PCDH11X: variants seen among roughly 807,000 people sequenced by gnomAD.
PCDH11X encodes the protein protocadherin 11 X-linked.
A neutral mutation model predicts 53.3 loss-of-function variants in PCDH11X; 18 were observed. The ratio of observed to expected loss-of-function variants is 0.34; its 90% CI spans 0.23 to 0.50. The LOEUF is 0.50. PCDH11X is among the 20% of genes least tolerant of loss of function. The pLI, the probability that PCDH11X is intolerant of heterozygous loss-of-function variation, is 0.98. For synonymous variants in PCDH11X, 279 were observed against 393.3 expected (o/e 0.71, Z 3.44); for missense variants, 570 against 1,032.4 (o/e 0.55, Z 6.14).
chrX:91,838,381 T>C (rs1937379618), intron 5 of PCDH11X, among the ~76,000 whole-genome samples: 4 of 111,758 alleles, frequency 3.6e-5, no homozygotes, highest in Non-Finnish European at 7.5e-5. Context: ...AGTAACTATA[T>C]GATGTGCCTA....
At chrX:92,397,604 G>A (rs1264700812) in intron 9 of PCDH11X, among the ~76,000 whole-genome samples, 1 of 101,481 alleles carries the variant, frequency 9.9e-6, no homozygotes, top group African/African-American at 3.7e-5. Context: ...TTCTTTTAAA[G>A]AATGTAGCTA....
At chrX:92,533,543 T>C (rs2074598677) in intron 10 of PCDH11X, among the ~76,000 whole-genome samples, 1 of 107,713 alleles carries the variant, frequency 9.3e-6, no homozygotes, top group Admixed American at 1.0e-4. Flanking sequence ...ACAGAAGACC[T>C]GTGAATCCAG....
chrX:91,832,583 T>G lies in PCDH11X; in HGVS notation c.-44-2878T>G, dbSNP rs553975903. Among the ~76,000 whole-genome samples the G allele has an allele frequency of 8.2e-4, 86 of 105,464 alleles. No individual in the cohort carries two copies. The South Asian group carries it at 0.041, about 50-fold the overall frequency. 91.6% of individuals were successfully genotyped at this position (105,464 alleles called of 115,157 possible). A position where few individuals can be genotyped will look rare whatever the true frequency, so the allele number is the denominator to read the frequency against. ...GGGTGCAGCACACCAACATGGCACA[T>G]GTATACATATGTAACAAACCTGCAT... On this transcript the variant is annotated intron_variant, in intron 4 of 10. Transcript: ENST00000682573.
At chrX:91,848,193 A>AT (rs745444962) in intron 5 of PCDH11X, among the ~76,000 whole-genome samples, 71 of 99,206 alleles carry the variant, frequency 7.2e-4, no homozygotes, top group African/African-American at 1.9e-3. Flanking sequence ...TAAGAGAGGA[A>AT]TTTTTTTTTT....
At chrX:92,608,822 A>G (rs1927070596) in intron 10 of PCDH11X, among the ~76,000 whole-genome samples, 1 of 111,077 alleles carries the variant, frequency 9.0e-6, no homozygotes, top group Non-Finnish European at 1.9e-5. Flanking sequence ...AAATGCATAC[A>G]ATCATGTATC....
intron 6 of PCDH11X, among the ~76,000 whole-genome samples, chrX:91,973,861 C>T (rs1490955080): frequency 4.5e-5 from 5 of 110,779 alleles, no homozygotes; most frequent in Non-Finnish European, 7.6e-5. Flanking sequence ...GTGATCCACC[C>T]GCCTTGGCCT....
chrX:92,302,309 G>A (rs2068741111), intron 8 of PCDH11X, among the ~76,000 whole-genome samples: 1 of 110,995 alleles, frequency 9.0e-6, no homozygotes, highest in South Asian at 3.8e-4. Context: ...GCTGACCTGG[G>A]AGGAGAAAGG....
chrX:92,202,279 A>C (rs2066403526), intron 7 of PCDH11X, among the ~76,000 whole-genome samples: 1 of 111,106 alleles, frequency 9.0e-6, no homozygotes, highest in Non-Finnish European at 1.9e-5. Context: ...TTCCCTTACC[A>C]GTTGAGTGTT....
chrX:92,486,799 C>A (rs1023496721), intron 10 of PCDH11X, among the ~76,000 whole-genome samples: 3 of 108,943 alleles, frequency 2.8e-5, no homozygotes, highest in African/African-American at 1.0e-4. Flanking sequence ...AAATTGAGAA[C>A]AACATTTTTA....
intron 10 of PCDH11X, among the ~76,000 whole-genome samples, chrX:92,552,895 A>G (rs1431164302): frequency 9.1e-6 from 1 of 109,433 alleles, no homozygotes; most frequent in Non-Finnish European, 1.9e-5. Flanking sequence ...ACTTGGTTAT[A>G]ATGAATAATC....
chrX:92,278,105 G>C (rs1370073713), intron 8 of PCDH11X, among the ~76,000 whole-genome samples: 1 of 111,548 alleles, frequency 9.0e-6, no homozygotes, highest in Non-Finnish European at 1.9e-5. Flanking sequence ...GAAAATGAAA[G>C]GAATTGAAAT....
At chrX:92,600,237 T>C (rs1926079509) in intron 10 of PCDH11X, among the ~76,000 whole-genome samples, 3 of 108,474 alleles carry the variant, frequency 2.8e-5, no homozygotes, top group African/African-American at 1.0e-4. Flanking sequence ...AGCCAAATAT[T>C]AATCACCAAA....
At chrX:92,331,319 C>CTTCTTCTTCTTCTTCT (rs1369843764) in intron 8 of PCDH11X, among the ~76,000 whole-genome samples, 21 of 28,786 alleles carry the variant, frequency 7.3e-4, no homozygotes, top group African/African-American at 2.6e-3. Context: ...CTTCTTCTTC[C>CTTCTTCTTCTTCTTCT]TCTTCTTCTT....
intron 8 of PCDH11X, among the ~76,000 whole-genome samples, chrX:92,325,336 G>A (rs1298851152): frequency 4.5e-5 from 5 of 110,794 alleles, no homozygotes; most frequent in Non-Finnish European, 9.4e-5. Context: ...GATAGAAACA[G>A]CCAAAAACTC....
chrX:92,414,688 G>T (rs1333732131), intron 9 of PCDH11X, among the ~76,000 whole-genome samples: 2 of 108,373 alleles, frequency 1.8e-5, no homozygotes, highest in Admixed American at 9.9e-5. Context: ...AGAGGAAATA[G>T]AATTAAGACA....
At chrX:91,802,432 T>C (rs1379939886) in intron 1 of PCDH11X, among the ~76,000 whole-genome samples, 1 of 111,784 alleles carries the variant, frequency 8.9e-6, no homozygotes, top group Non-Finnish European at 1.9e-5. Context: ...AGCTCTCAAA[T>C]AAGAAATTTA....
chrX:91,964,936 C>T (rs1431956229), intron 6 of PCDH11X, among the ~76,000 whole-genome samples: 1 of 112,199 alleles, frequency 8.9e-6, no homozygotes, highest in Non-Finnish European at 1.9e-5. Context: ...GGTGCCAAAC[C>T]TTACTATCAT....
intron 6 of PCDH11X, among the ~76,000 whole-genome samples, chrX:92,041,344 T>C (rs766893735): frequency 7.2e-5 from 8 of 111,285 alleles, no homozygotes; most frequent in Non-Finnish European, 1.5e-4. Context: ...TCACCAAATC[T>C]ATACTGTTCT....
intron 6 of PCDH11X, among the ~76,000 whole-genome samples, chrX:92,176,535 C>G (rs2065912061): frequency 8.9e-6 from 1 of 112,041 alleles, no homozygotes; most frequent in African/African-American, 3.2e-5. Flanking sequence ...TACGTTAACC[C>G]TTGTATACTT....
Sources: gnomAD v4.1 joint callset for allele counts (sites outside exome capture counted in the v4.1 genomes callset) on GRCh38, gnomAD v4.1.1 for gene constraint, MANE v1.5 for transcripts, NCBI Gene and HGNC (gene_info 2026-07-23, HGNC 2026-07-21) for gene names.